The following ANO6 variants were observed in gnomAD, a reference collection of about 807,000 sequenced individuals.
ANO6 encodes the protein anoctamin 6, also known as anoctamin-6.
Under a neutral mutation model 117.5 loss-of-function variants are expected in ANO6, and 106 were observed. That is an observed-to-expected ratio of 0.90 (90% CI 0.77 to 1.06). The LOEUF (loss-of-function observed/expected upper bound fraction) is 1.06, where lower values mean the gene tolerates loss of function less well. Among genes scored for constraint, ANO6 ranks in the 50% least tolerant of loss-of-function variants. The pLI is 0.00. For missense variants in ANO6, 955 were observed against 1,121.1 expected (o/e 0.85, Z 2.12); for synonymous variants, 367 against 385.1 (o/e 0.95, Z 0.55).
chr12:45,304,986 G>A (rs544751899), intron 2 of ANO6, among the ~76,000 whole-genome samples: 59 of 152,270 alleles, frequency 3.9e-4, no homozygotes, highest in East Asian at 1.7e-3. Flanking sequence ...CACTTGCTGC[G>A]GAGTTTGTCC....
At chr12:45,357,702 C>T (rs943117808) in intron 8 of ANO6, among the ~76,000 whole-genome samples, 3 of 152,118 alleles carry the variant, frequency 2.0e-5, no homozygotes, top group African/African-American at 4.8e-5. Context: ...GGACTGGAGG[C>T]GGGAGGATTG....
At chr12:45,377,977 G>T in intron 9 of ANO6, 76 bp from the exon 10 acceptor site, 1 of 1,394,396 alleles carries the variant, frequency 7.2e-7, no homozygotes, top group South Asian at 1.2e-5. Context: ...CTGTAGAATA[G>T]ACAAAGCATT....
intron 15 of ANO6, among the ~76,000 whole-genome samples, chr12:45,404,948 C>G (rs183334677): frequency 6.6e-6 from 1 of 152,246 alleles, no homozygotes. Flanking sequence ...TTAACTCACT[C>G]CGGGTTTCAG....
chr12:45,355,563 C>T (rs1323224718), intron 7 of ANO6, among the ~76,000 whole-genome samples: 1 of 152,140 alleles, frequency 6.6e-6, no homozygotes, highest in East Asian at 1.9e-4. Flanking sequence ...CAAAAAGAGG[C>T]CAAGGCGTCT....
chr12:45,289,087 A>G (rs1278996035), intron 1 of ANO6, among the ~76,000 whole-genome samples: 1 of 151,860 alleles, frequency 6.6e-6, no homozygotes, highest in East Asian at 1.9e-4. Context: ...GCTGTACCCT[A>G]ATTGATTTAA....
intron 16 of ANO6, among the ~76,000 whole-genome samples, chr12:45,412,928 T>G (rs1319716722): frequency 6.6e-6 from 1 of 152,182 alleles, no homozygotes; most frequent in Non-Finnish European, 1.5e-5. Flanking sequence ...GTGAAGAGAA[T>G]GGACATTTTG....
At chr12:45,317,376 G>T (rs1408951559) in intron 2 of ANO6, among the ~76,000 whole-genome samples, 3 of 146,366 alleles carry the variant, frequency 2.0e-5, no homozygotes, top group African/African-American at 7.6e-5. Context: ...GAAGTGTTTG[G>T]TTTTTTGTCC....
At chr12:45,317,113 G>GTGTGTGTGTGTGTGTATATATATATA in intron 2 of ANO6, among the ~76,000 whole-genome samples, 2 of 66,448 alleles carry the variant, frequency 3.0e-5, no homozygotes, top group African/African-American at 8.2e-5. Flanking sequence ...CTTTTTATAT[G>GTGTGTGTGTGTGTGTATATATATATA]TATATATATA....
chr12:45,296,626 A>G (rs896531664), intron 1 of ANO6, among the ~76,000 whole-genome samples: 1 of 152,132 alleles, frequency 6.6e-6, no homozygotes, highest in Admixed American at 6.5e-5. Context: ...ATACTATTCT[A>G]ATTTCTTCTA....
intron 10 of ANO6, among the ~76,000 whole-genome samples, chr12:45,382,022 A>T (rs1250452126): frequency 6.6e-6 from 1 of 152,096 alleles, no homozygotes. Context: ...AATTACCTAA[A>T]GCCCCACAGA....
intron 1 of ANO6, among the ~76,000 whole-genome samples, chr12:45,235,719 G>A (rs773834975): frequency 1.1e-4 from 17 of 152,150 alleles, no homozygotes; most frequent in Admixed American, 9.2e-4. Context: ...AAGTCCCCTA[G>A]TCAAAAATTC....
At chr12:45,371,841 A>G (rs565112547) in intron 9 of ANO6, among the ~76,000 whole-genome samples, 40 of 152,322 alleles carry the variant, frequency 2.6e-4, no homozygotes, top group Admixed American at 2.5e-3. Context: ...CTCACCAGCA[A>G]CGGAACAAAG....
At chr12:45,367,459 A>G (rs1941715435) in intron 8 of ANO6, among the ~76,000 whole-genome samples, 1 of 152,198 alleles carries the variant, frequency 6.6e-6, no homozygotes, top group South Asian at 2.1e-4. Context: ...AAACAGTGAT[A>G]GCAGAATCTT....
chr12:45,265,131 TC>T (rs1348808326), intron 1 of ANO6, among the ~76,000 whole-genome samples: 1 of 152,178 alleles, frequency 6.6e-6, no homozygotes, highest in Non-Finnish European at 1.5e-5. Context: ...TATAGCTGAG[TC>T]CATTAATTTT....
chr12:45,430,259 A>C lies in ANO6; in HGVS notation c.*948A>C. ...TTCTACCAGTTGACTTTTATTCATT[A>C]GATACAGAAGGTGCAGTATTACACA... On this transcript the variant is annotated 3_prime_UTR_variant, in exon 20 of 20. Coordinates refer to ENST00000320560, the MANE Select transcript of ANO6 (RefSeq NM_001025356.3). The C allele has an allele frequency of 1.0e-6, 1 of 985,486 alleles. No individual in the cohort carries two copies. The highest frequency in any genetic ancestry group is 1.2e-6 in the Non-Finnish European group (1 of 829,954). 61.0% of individuals were successfully genotyped at this position (985,486 alleles called of 1,614,324 possible).
chr12:45,329,968 T>C (rs764266059), intron 2 of ANO6, among the ~76,000 whole-genome samples: 33 of 152,124 alleles, frequency 2.2e-4, no homozygotes, highest in Non-Finnish European at 4.4e-4. Context: ...AATATAAGAA[T>C]TGGATAGTGA....
chr12:45,413,607 G>A (rs919616393), intron 16 of ANO6, among the ~76,000 whole-genome samples: 5 of 152,212 alleles, frequency 3.3e-5, no homozygotes, highest in African/African-American at 4.8e-5. Flanking sequence ...AGGGACATTT[G>A]AAGAGTGAAG....
At chr12:45,401,175 CAGTT>C (rs1942776850) in intron 12 of ANO6, among the ~76,000 whole-genome samples, 1 of 152,176 alleles carries the variant, frequency 6.6e-6, no homozygotes, top group Admixed American at 6.5e-5. Context: ...CCAGTACCAA[CAGTT>C]AGCTCAGGGC....
At chr12:45,243,740 G>A (rs139993773) in intron 1 of ANO6, among the ~76,000 whole-genome samples, 2,861 of 152,146 alleles carry the variant, frequency 0.019, 53 homozygotes, top group East Asian at 0.068. Context: ...TGTAGAGATG[G>A]GGTTTTGCCA....
Sources: gnomAD v4.1 joint callset for allele counts (sites outside exome capture counted in the v4.1 genomes callset) on GRCh38, gnomAD v4.1.1 for gene constraint, MANE v1.5 for transcripts, NCBI Gene and HGNC (gene_info 2026-07-23, HGNC 2026-07-21) for gene names.